Variants in WDR44 observed in about 807,000 individuals in gnomAD.
WDR44 encodes WD repeat domain 44, also known as WD repeat-containing protein 44.
WDR44 carries 9 observed loss-of-function variants against 65.7 expected under a neutral mutation model. The ratio of observed to expected loss-of-function variants is 0.14; its 90% CI spans 0.08 to 0.24. The LOEUF is 0.24. Ranked by LOEUF, WDR44 falls within the 10% of genes least tolerant of loss-of-function variation. The pLI is 1.00. For missense variants in WDR44, 425 were observed against 670.9 expected, an observed-to-expected ratio of 0.63 and a Z score of 4.05; for synonymous variants, 220 against 235.2, an observed-to-expected ratio of 0.94 and a Z score of 0.59.
At chrX:118,441,232 T>C in intron 14 of WDR44, 136 bp from the exon 15 acceptor site, 2 of 545,169 alleles carry the variant, frequency 3.7e-6, no homozygotes, top group Non-Finnish European at 5.8e-6. Context: ...GTGCTAGGAT[T>C]ATAGGCGTGA....
chrX:118,373,589 G>A lies in WDR44; in HGVS notation c.78-4830G>A, dbSNP rs770384053. ...AGTTTAGTCCAATTCAAGAAGCAGC[G>A]TTAATTGCCTTTACTTTGGTGCTCA... is the stretch of plus-strand genomic sequence containing the variant. On this transcript the variant is annotated intron_variant, in intron 1 of 19. Transcript: ENST00000254029. Among the ~76,000 whole-genome samples, 234 of 111,611 alleles carry A rather than the reference G, an allele frequency of 2.1e-3. 1 individual carries two copies. Among genetic ancestry groups the A allele is most frequent in the Middle Eastern group, 4.6e-3 (1 of 216 alleles).
At chrX:118,433,876 T>C (rs1036503537) in intron 13 of WDR44, among the ~76,000 whole-genome samples, 1 of 112,006 alleles carries the variant, frequency 8.9e-6, no homozygotes, top group Non-Finnish European at 1.9e-5. Flanking sequence ...TTAAGTACTT[T>C]ACATGTGCTC....
rs1410879221 is a variant in WDR44, at chrX:118,352,760, G to A, written c.77+6180G>A. ...TTGTTAGTTACTTCCTGGGGTAGTAGTGGAGGTGGAGGAAGGGAGTATAAA... is the reference window on the plus strand; with the variant it reads ...TTGTTAGTTACTTCCTGGGGTAGTAATGGAGGTGGAGGAAGGGAGTATAAA... On this transcript the variant is annotated intron_variant, in intron 1 of 19. Transcript: ENST00000254029. 1.4e-4 allele frequency among the ~76,000 whole-genome samples: 15 copies of A among 109,866 alleles called. No individual in the cohort carries two copies. In the Admixed American group the frequency reaches 1.5e-3, roughly 11 times the overall value.
intron 1 of WDR44, among the ~76,000 whole-genome samples, chrX:118,368,459 CTATATA>C (rs757542334): frequency 6.0e-4 from 44 of 72,885 alleles, no homozygotes; most frequent in African/African-American, 8.0e-4. Context: ...GAAATAGTGA[CTATATA>C]TATATATATA....
intron 1 of WDR44, among the ~76,000 whole-genome samples, chrX:118,372,080 A>G (rs181027622): frequency 1.6e-3 from 170 of 107,127 alleles, no homozygotes; most frequent in African/African-American, 5.5e-3. Flanking sequence ...ATTATTGGAC[A>G]TTTCTGGGTA....
chrX:118,406,450 T>C lies in WDR44; in HGVS notation c.1382-425T>C, dbSNP rs779344461. Reference sequence around the variant, plus strand: ...TTTAATTAGGTAAATTTTCTAAATTTGCACATATCTTAACCTCCTATGCTT... The same window carrying C: ...TTTAATTAGGTAAATTTTCTAAATTCGCACATATCTTAACCTCCTATGCTT... On this transcript the variant is annotated intron_variant, in intron 9 of 19. Transcript: ENST00000254029. 1.7e-3 allele frequency among the ~76,000 whole-genome samples: 192 copies of C among 112,031 alleles called. 1 individual carries two copies. Among genetic ancestry groups the C allele is most frequent in the Middle Eastern group, 4.6e-3 (1 of 218 alleles).
At position 118,444,646 on chromosome X, in the gene WDR44, G is replaced by A. The variant is rs1413010582; in HGVS notation, c.2647+152G>A. The A allele has an allele frequency of 8.7e-6, 6 of 686,937 alleles. No homozygotes were observed. The African/African-American group carries it at 8.9e-5, about 10-fold the overall frequency. The allele number at this position is 686,937 out of a possible 1,213,427, so 56.6% of individuals were successfully genotyped here. On this transcript the variant is annotated intron_variant, in intron 19 of 19. Transcript: ENST00000254029. ...GTCTTGCTCTGTCACCCAGGCTGGA[G>A]CGCAGTGACGCAGTCACACACAGCT... is the stretch of plus-strand genomic sequence containing the variant.
intron 3 of WDR44, among the ~76,000 whole-genome samples, chrX:118,392,140 G>T (rs1465831882): frequency 1.8e-5 from 2 of 111,793 alleles, no homozygotes; most frequent in Non-Finnish European, 3.8e-5. Context: ...CTTGAGTTCA[G>T]AGCTAAACAA....
intron 1 of WDR44, among the ~76,000 whole-genome samples, chrX:118,350,702 T>C (rs1188456392): frequency 1.8e-5 from 2 of 112,245 alleles, no homozygotes; most frequent in Non-Finnish European, 3.8e-5. Flanking sequence ...TACTTACACA[T>C]ACTAAAGGCT....
At chrX:118,427,483 G>A (rs766376032) in intron 12 of WDR44, among the ~76,000 whole-genome samples, 1 of 108,568 alleles carries the variant, frequency 9.2e-6, no homozygotes, top group South Asian at 4.0e-4. Flanking sequence ...TGTTAGCCAG[G>A]ATAGTCTCCA....
At position 118,410,927 on chromosome X, in the gene WDR44, C is replaced by G; in HGVS notation, c.1705C>G (p.Leu569Val). The change falls in exon 12 of 20, where the codon CTA becomes GTA. Residue 569 changes from leucine to valine, a missense_variant. This residue lies in a region of WDR44 where 45 missense variants were observed against 50.0 expected (regional missense o/e 0.90). Transcript: ENST00000254029. ...RVSPSPSQESLSSSKSDTDTG... is the reference protein window; with the variant it reads ...RVSPSPSQESVSSSKSDTDTG... ...GTCCCCATCACCCTCTCAGGAAAGT[C>G]TAAGTTCATCAAAATCGGATACAGA... The G allele has an allele frequency of 1.7e-6, 2 of 1,200,928 alleles. No homozygotes were observed. Among genetic ancestry groups the G allele is most frequent in the Non-Finnish European group, 2.2e-6 (2 of 891,731 alleles).
rs199580855 is a variant in WDR44 at position 118,346,541 on chromosome X, C to T, written c.38C>T (p.Ala13Val). The T allele has an allele frequency of 5.8e-6, 7 of 1,201,596 alleles. No individual in the cohort carries two copies. The highest frequency in any genetic ancestry group is 1.8e-5 in the African/African-American group (1 of 56,523). The change falls in exon 1 of 20, where the codon GCC becomes GTC. Residue 13 changes from alanine to valine, a missense_variant. By Grantham distance (64) the Ala-to-Val change is moderately conservative. Transcript: ENST00000254029. ...AGCGACACCGAGGAATTCTATGATG[C>T]CCCTGAAGATGTGCACCTAGGGGGC... The part of the protein sequence containing the change: ...SESDTEEFYD[A>V]PEDVHLGGGY...
chrX:118,397,492 T>G (rs961740108), intron 7 of WDR44, among the ~76,000 whole-genome samples: 1 of 110,803 alleles, frequency 9.0e-6, no homozygotes, highest in Admixed American at 9.8e-5. Flanking sequence ...AGACCTCATC[T>G]CCACAAAAAT....
At chrX:118,436,917 T>A (rs2057259285) in intron 14 of WDR44, 93 bp downstream of exon 14, 7 of 858,627 alleles carry the variant, frequency 8.2e-6, no homozygotes, top group South Asian at 3.8e-5. Context: ...AGGAAAAAAA[T>A]TATTAACAGC....
At chrX:118,401,750 C>G (rs1206643377) in intron 8 of WDR44, among the ~76,000 whole-genome samples, 12 of 93,409 alleles carry the variant, frequency 1.3e-4, no homozygotes, top group Non-Finnish European at 2.2e-4. Context: ...TTGCCCATGC[C>G]TATGTCCTGA....
intron 1 of WDR44, among the ~76,000 whole-genome samples, chrX:118,369,716 C>T (rs1229676989): frequency 9.0e-6 from 1 of 111,175 alleles, no homozygotes; most frequent in Non-Finnish European, 1.9e-5. Flanking sequence ...GATCTGCCCG[C>T]CTCGGCCACC....
At chrX:118,384,077 T>C (rs983373279) in intron 2 of WDR44, among the ~76,000 whole-genome samples, 28 of 108,500 alleles carry the variant, frequency 2.6e-4, no homozygotes, top group African/African-American at 9.4e-4. Context: ...GAGGTCTCAC[T>C]GTGTTGCCCA....
At position 118,447,796 on chromosome X, in the gene WDR44, C is replaced by A. The variant is rs189253366; in HGVS notation, c.2648-1097C>A. Among the ~76,000 whole-genome samples the A allele has an allele frequency of 4.1e-3, 423 of 103,104 alleles. 10 individuals carry two copies. The East Asian group carries it at 0.091, about 22-fold the overall frequency. 89.5% of individuals were successfully genotyped at this position (103,104 alleles called of 115,157 possible). Reference sequence around the variant, plus strand: ...GCTGAGGTGGAAGGATCCTTTGAGCCCAGGAGTATGAGGTTACAAGAAAGC... The same window carrying A: ...GCTGAGGTGGAAGGATCCTTTGAGCACAGGAGTATGAGGTTACAAGAAAGC... On this transcript the variant is annotated intron_variant, in intron 19 of 19. Transcript: ENST00000254029.
In WDR44 at chrX:118,392,832, A is replaced by G; in HGVS notation, c.387A>G (p.Thr129=). Residue 129 remains threonine, a synonymous_variant, in exon 4 of 20, where the codon ACA becomes ACG. Coordinates refer to ENST00000254029, the MANE Select transcript of WDR44 (RefSeq NM_019045.5). ...CCCAAAAGGCAGAGAGTCAGAATAC[A>G]TTTGAAGAGACTGAATTAGAATTAA... is the stretch of plus-strand genomic sequence containing the variant. ...EESQKAESQN[T]FEETELELKK... The G allele has an allele frequency of 8.3e-7, 1 of 1,212,092 alleles. No individual in the cohort carries two copies.
Sources: allele counts gnomAD v4.1 joint callset (sites outside exome capture counted in the v4.1 genomes callset), GRCh38; gene constraint gnomAD v4.1.1; regional missense constraint gnomAD v4.1.1; transcripts MANE v1.5; gene names NCBI Gene and HGNC (gene_info 2026-07-23, HGNC 2026-07-21).